SDK1: variants seen among roughly 807,000 people sequenced by gnomAD.
The protein encoded by SDK1 is sidekick cell adhesion molecule 1.
Under a neutral mutation model 245.5 loss-of-function variants are expected in SDK1, and 157 were observed. The ratio of observed to expected loss-of-function variants is 0.64; its 90% confidence interval spans 0.56 to 0.73. SDK1 has a LOEUF of 0.73. Among genes scored for constraint, SDK1 ranks in the 30% least tolerant of loss-of-function variants. The pLI is 0.00. For synonymous variants in SDK1, 1,647 were observed against 1,278.5 expected, an observed-to-expected ratio of 1.29 and a Z score of -6.15; for missense variants, 3,583 against 3,002.3, an observed-to-expected ratio of 1.19 and a Z score of -4.52.
rs148043961 is a variant in SDK1, at chr7:3,656,529, A to G, written c.713+14424A>G. 4.1e-3 allele frequency among the ~76,000 whole-genome samples: 626 copies of G among 152,222 alleles called. 4 individuals are homozygous for G. The highest frequency in any genetic ancestry group is 0.018 in the South Asian group (86 of 4,814). On this transcript the variant is annotated intron_variant, in intron 4 of 44. Transcript: ENST00000404826. Reference sequence around the variant, plus strand: ...GGTACTGCTGGAGTCAAAAATTAAGAAAACTTTGTAATGCTGTTTAATTCA... The same window carrying G: ...GGTACTGCTGGAGTCAAAAATTAAGGAAACTTTGTAATGCTGTTTAATTCA...
chr7:3,974,648 C>G, intron 13 of SDK1, 103 bp downstream of exon 13: 1 of 1,130,816 alleles, frequency 8.8e-7, no homozygotes, highest in Non-Finnish European at 1.3e-6. Flanking sequence ...GGCTTGTGTC[C>G]CAAGTCAGCG....
At chr7:4,142,054 C>T (rs1002486007) in intron 28 of SDK1, among the ~76,000 whole-genome samples, 11 of 151,614 alleles carry the variant, frequency 7.3e-5, no homozygotes, top group African/African-American at 2.2e-4. Context: ...TGCGCCCTGC[C>T]GGGATAGGCA....
intron 19 of SDK1, among the ~76,000 whole-genome samples, chr7:4,057,901 A>C (rs1050957898): frequency 6.6e-6 from 1 of 152,238 alleles, no homozygotes; most frequent in African/African-American, 2.4e-5. Flanking sequence ...ATCTTCAGGA[A>C]AAAGCCCTCC....
At chr7:3,906,090 T>C (rs567528414) in intron 5 of SDK1, among the ~76,000 whole-genome samples, 3 of 152,314 alleles carry the variant, frequency 2.0e-5, no homozygotes, top group East Asian at 3.9e-4. Flanking sequence ...CTGGAAACTT[T>C]CCTCAATCTC....
chr7:3,701,939 AAAAAAAG>A (rs1366268664), intron 4 of SDK1, among the ~76,000 whole-genome samples: 4 of 150,000 alleles, frequency 2.7e-5, no homozygotes, highest in Non-Finnish European at 5.9e-5. Flanking sequence ...AAAAAAAAAA[AAAAAAAG>A]AAAAAAGAAA....
In SDK1 at chr7:4,267,990, C is replaced by A. The variant is rs1219470686; in HGVS notation, c.*2606C>A. The A allele has an allele frequency of 1.0e-6, 1 of 985,358 alleles. No homozygotes were observed. Among genetic ancestry groups the A allele is most frequent in the Non-Finnish European group, 1.2e-6 (1 of 829,974 alleles). 61.0% of individuals were successfully genotyped at this position (985,358 alleles called of 1,614,324 possible). On this transcript the variant is annotated 3_prime_UTR_variant, in exon 45 of 45. Coordinates refer to ENST00000404826, the MANE Select transcript of SDK1 (RefSeq NM_152744.4). The stretch of plus-strand genomic sequence containing the variant: ...GAAGCAACAGTTCCTAACTCCTTAT[C>A]TTCAGGGAAGGAAAAGAAAATCACA...
rs777479109 is a variant in SDK1, at chr7:3,675,106, A to G, written c.713+33001A>G. ...CCATCTCCACGTGTGAATCTAACAGATATCTCCAATGTTGATCTCCCTCCA... is the reference window on the plus strand; with the variant it reads ...CCATCTCCACGTGTGAATCTAACAGGTATCTCCAATGTTGATCTCCCTCCA... On this transcript the variant is annotated intron_variant, in intron 4 of 44. Coordinates refer to ENST00000404826, the MANE Select transcript of SDK1 (RefSeq NM_152744.4). Among the ~76,000 whole-genome samples, 9 of 152,330 alleles carry G rather than the reference A, an allele frequency of 5.9e-5. No individual in the cohort carries two copies. The South Asian group carries it at 1.0e-3, about 18-fold the overall frequency.
chr7:4,232,186 A>G (rs1785819740), intron 40 of SDK1, among the ~76,000 whole-genome samples: 1 of 151,546 alleles, frequency 6.6e-6, no homozygotes, highest in African/African-American at 2.4e-5. Context: ...CAAATCTATG[A>G]TGAAGATGCC....
chr7:3,985,399 A>G (rs1359908788), intron 13 of SDK1, among the ~76,000 whole-genome samples: 2 of 152,228 alleles, frequency 1.3e-5, no homozygotes, highest in Non-Finnish European at 2.9e-5. Context: ...AGATTGCAGC[A>G]GGGGGAATAG....
intron 1 of SDK1, among the ~76,000 whole-genome samples, chr7:3,572,285 G>A (rs958532633): frequency 6.6e-6 from 1 of 151,858 alleles, no homozygotes; most frequent in Non-Finnish European, 1.5e-5. Flanking sequence ...CACAAATTTC[G>A]GTCAAGTAAG....
intron 44 of SDK1, among the ~76,000 whole-genome samples, chr7:4,262,017 C>T (rs1213778364): frequency 2.7e-5 from 3 of 110,898 alleles, no homozygotes; most frequent in Non-Finnish European, 5.6e-5. Context: ...TCTGCTTTCT[C>T]CTTTTTTTTT....
rs878877979 is a variant in SDK1 at position 4,114,336 on chromosome 7, G to C, written c.3823+62G>C. 2.1e-5 allele frequency: 27 copies of C among 1,293,154 alleles called. No homozygotes were observed. The South Asian group carries it at 3.4e-4, about 16-fold the overall frequency. The allele number at this position is 1,293,154 out of a possible 1,614,324, so 80.1% of individuals were successfully genotyped here. A position where few individuals can be genotyped will look rare whatever the true frequency, so the allele number is the denominator to read the frequency against. ...ATTAGAGATGGGGCTGAGTGCCCCT[G>C]AGCCTCCAGATCCCAGGCTAGTGGC... On this transcript the variant is annotated intron_variant, in intron 25 of 44. Coordinates refer to ENST00000404826, the MANE Select transcript of SDK1 (RefSeq NM_152744.4).
intron 22 of SDK1, among the ~76,000 whole-genome samples, chr7:4,100,375 G>A (rs138324192): frequency 1.3e-5 from 2 of 152,218 alleles, no homozygotes; most frequent in East Asian, 1.9e-4. Flanking sequence ...AGGCTGTTTC[G>A]GGGGACACAC....
intron 32 of SDK1, 151 bp downstream of exon 32, chr7:4,162,007 G>C: frequency 1.6e-6 from 1 of 617,568 alleles, no homozygotes; most frequent in South Asian, 2.0e-5. Flanking sequence ...ACTCAAAAAC[G>C]CGAGGGGGAA....
At chr7:4,188,824 C>A (rs1342456272) in intron 35 of SDK1, among the ~76,000 whole-genome samples, 1 of 152,124 alleles carries the variant, frequency 6.6e-6, no homozygotes, top group Non-Finnish European at 1.5e-5. Flanking sequence ...TTTTTAATTG[C>A]TTTGTGGTGC....
Position 3,730,310 on chromosome 7 carries a change from A to G in SDK1, c.713+88205A>G, listed in dbSNP as rs10240271. ...GTTGTGGTTTTCATGCCTGTTGTTA[A>G]AGGAATCTGACAGCCGAGGCATCAG... On this transcript the variant is annotated intron_variant, in intron 4 of 44. Coordinates refer to ENST00000404826, the MANE Select transcript of SDK1 (RefSeq NM_152744.4). 9.9e-3 allele frequency among the ~76,000 whole-genome samples: 1,502 copies of G among 152,292 alleles called. 24 individuals are homozygous for G. Among genetic ancestry groups the G allele is most frequent in the African/African-American group, 0.035 (1,444 of 41,550 alleles).
chr7:3,732,264 A>G (rs1057183070), intron 4 of SDK1, among the ~76,000 whole-genome samples: 2 of 152,202 alleles, frequency 1.3e-5, no homozygotes, highest in South Asian at 2.1e-4. Context: ...TGATTTTCAA[A>G]TTGTTGTGAT....
chr7:3,569,352 G>A (rs1693994288), intron 1 of SDK1, among the ~76,000 whole-genome samples: 1 of 152,168 alleles, frequency 6.6e-6, no homozygotes, highest in African/African-American at 2.4e-5. Flanking sequence ...CAACTACCAG[G>A]GAAAAGGAAT....
chr7:4,057,808 C>T (rs567663140), intron 19 of SDK1, among the ~76,000 whole-genome samples: 1 of 152,266 alleles, frequency 6.6e-6, no homozygotes, highest in South Asian at 2.1e-4. Context: ...CTGTTTACAG[C>T]CAAATAAATT....
Sources: allele counts gnomAD v4.1 joint callset (sites outside exome capture counted in the v4.1 genomes callset), GRCh38; gene constraint gnomAD v4.1.1; transcripts MANE v1.5; gene names NCBI Gene and HGNC (gene_info 2026-07-23, HGNC 2026-07-21).